Variants in TENM3 observed in about 807,000 individuals in gnomAD.
TENM3 encodes teneurin-3.
A neutral mutation model predicts 255.1 loss-of-function variants in TENM3; 63 were observed. That is an observed-to-expected ratio of 0.25 (90% confidence interval 0.20 to 0.30). The LOEUF is 0.30. TENM3 is among the 10% of genes least tolerant of loss of function. The probability of loss-of-function intolerance (pLI) is 1.00; values close to 1 mark genes in which losing one functional copy is unlikely to be tolerated. For missense variants in TENM3, 2,929 were observed against 3,461.1 expected (o/e 0.85, Z 3.86); for synonymous variants, 1,306 against 1,322.3 (o/e 0.99, Z 0.27).
chr4:182,446,620 C>G (rs1772933550), intron 3 of TENM3, among the ~76,000 whole-genome samples: 1 of 151,570 alleles, frequency 6.6e-6, no homozygotes, highest in Admixed American at 6.6e-5. Flanking sequence ...CCCCCAGGTC[C>G]TAGCACTTTT....
At chr4:182,485,470 A>G (rs1402289590) in intron 3 of TENM3, among the ~76,000 whole-genome samples, 1 of 152,186 alleles carries the variant, frequency 6.6e-6, no homozygotes, top group Non-Finnish European at 1.5e-5. Context: ...CAAGCAATCA[A>G]TAAATTTAAC....
chr4:182,036,650 A>C, the TENM3 span, among the ~76,000 whole-genome samples: 1 of 152,310 alleles, frequency 6.6e-6, no homozygotes, highest in Admixed American at 6.5e-5. Context: ...CATTTCGATC[A>C]TCTAGTGTTA....
At chr4:181,910,724 G>A in the TENM3 span, among the ~76,000 whole-genome samples, 2 of 151,374 alleles carry the variant, frequency 1.3e-5, no homozygotes, top group South Asian at 4.2e-4. Context: ...TAATCCACCT[G>A]CCTCAGCCCC....
At chr4:182,387,686 T>C (rs923547314) in intron 3 of TENM3, among the ~76,000 whole-genome samples, 3 of 149,972 alleles carry the variant, frequency 2.0e-5, no homozygotes, top group Non-Finnish European at 4.5e-5. Flanking sequence ...CCAGACGCGC[T>C]GCCTTAAGAG....
intron 3 of TENM3, among the ~76,000 whole-genome samples, chr4:182,352,058 G>T (rs1188439077): frequency 6.6e-6 from 1 of 151,894 alleles, no homozygotes; most frequent in African/African-American, 2.4e-5. Context: ...GTTTGGACTA[G>T]GTAGATATCT....
At chr4:182,131,169 G>A in the TENM3 span, among the ~76,000 whole-genome samples, 3 of 152,132 alleles carry the variant, frequency 2.0e-5, no homozygotes, top group Admixed American at 6.5e-5. Context: ...AGGTTGGGGT[G>A]TGCAGAACAG....
At chr4:182,443,549 T>C (rs765250158) in intron 3 of TENM3, among the ~76,000 whole-genome samples, 1 of 152,196 alleles carries the variant, frequency 6.6e-6, no homozygotes, top group Non-Finnish European at 1.5e-5. Flanking sequence ...GGATTTCTCT[T>C]GAAGCTCTGC....
chr4:182,144,718 C>G (rs1412262601), exon 1 of TENM3: 2 of 144,820 alleles, frequency 1.4e-5, no homozygotes, highest in South Asian at 2.1e-4. Flanking sequence ...CGGCTGCTGC[C>G]GGGGAGCGAG....
At chr4:182,765,356 G>C (rs956472005) in intron 22 of TENM3, among the ~76,000 whole-genome samples, 6 of 152,136 alleles carry the variant, frequency 3.9e-5, no homozygotes, top group African/African-American at 1.4e-4. Context: ...AATACTGAAG[G>C]ATCCACTTTC....
In TENM3 at chr4:182,602,112, A is replaced by G. The variant is rs1747945556; in HGVS notation, c.749+951A>G. 2.6e-5 allele frequency among the ~76,000 whole-genome samples: 4 copies of G among 152,260 alleles called. No individual in the cohort carries two copies. In the South Asian group the frequency reaches 8.3e-4, roughly 31 times the overall value. On this transcript the variant is annotated intron_variant, in intron 4 of 27. Coordinates refer to ENST00000511685, the MANE Select transcript of TENM3 (RefSeq NM_001080477.4). ...GCCTTCTTTCTTTGGACAGGAGCGT[A>G]ACAGTCACTGTCTCCTTGTAATTAT...
chr4:182,388,823 C>G (rs909879788), intron 3 of TENM3, among the ~76,000 whole-genome samples: 4 of 152,172 alleles, frequency 2.6e-5, no homozygotes, highest in Non-Finnish European at 4.4e-5. Flanking sequence ...ACACCAGAAT[C>G]ATTTTGAAAA....
At chr4:182,629,412 A>G (rs1389850890) in intron 5 of TENM3, among the ~76,000 whole-genome samples, 3 of 152,194 alleles carry the variant, frequency 2.0e-5, no homozygotes, top group African/African-American at 7.2e-5. Context: ...TCATTCATAT[A>G]TGTGGATTTT....
intron 1 of TENM3, among the ~76,000 whole-genome samples, chr4:182,203,413 A>G (rs959941092): frequency 1.3e-5 from 2 of 152,174 alleles, no homozygotes; most frequent in Non-Finnish European, 2.9e-5. Flanking sequence ...GCCAGTTCCC[A>G]GTCCCCAAAG....
At chr4:182,520,458 T>C (rs575651404) in intron 3 of TENM3, among the ~76,000 whole-genome samples, 1 of 152,358 alleles carries the variant, frequency 6.6e-6, no homozygotes, top group South Asian at 2.1e-4. Flanking sequence ...AAAGATTTCA[T>C]ATTGCTTTTG....
chr4:182,736,769 G>A (rs781044412), intron 16 of TENM3, 39 bp from the exon 17 acceptor site: 109 of 1,577,844 alleles, frequency 6.9e-5, no homozygotes, highest in Middle Eastern at 3.4e-4. Flanking sequence ...ATCGTCATAC[G>A]TGATCACAGT....
At chr4:181,911,907 T>C in the TENM3 span, among the ~76,000 whole-genome samples, 1 of 152,178 alleles carries the variant, frequency 6.6e-6, no homozygotes, top group Non-Finnish European at 1.5e-5. Context: ...GGCTTAGAAA[T>C]CAATTAGATT....
At chr4:182,290,632 A>G (rs1391341965) in intron 1 of TENM3, among the ~76,000 whole-genome samples, 2 of 149,078 alleles carry the variant, frequency 1.3e-5, no homozygotes, top group Non-Finnish European at 3.0e-5. Flanking sequence ...CCTCCCAAGT[A>G]GCTGGGACTA....
intron 12 of TENM3, among the ~76,000 whole-genome samples, chr4:182,712,410 A>G (rs941922944): frequency 3.3e-5 from 5 of 151,942 alleles, no homozygotes; most frequent in East Asian, 1.9e-4. Context: ...CAGTGGGGCA[A>G]TTCAACCTTT....
the TENM3 span, among the ~76,000 whole-genome samples, chr4:181,823,603 T>G: frequency 6.6e-5 from 10 of 152,294 alleles, no homozygotes; most frequent in African/African-American, 2.4e-4. Flanking sequence ...TATATATGAC[T>G]GTAATCACAA....
Sources: gnomAD v4.1 joint callset for allele counts (sites outside exome capture counted in the v4.1 genomes callset) on GRCh38, gnomAD v4.1.1 for gene constraint, MANE v1.5 for transcripts, NCBI Gene and HGNC (gene_info 2026-07-23, HGNC 2026-07-21) for gene names.